NDFIP1: variants seen among roughly 807,000 people sequenced by gnomAD.
The protein encoded by NDFIP1 is Nedd4 family interacting protein 1, also known as NEDD4 family-interacting protein 1.
Under a neutral mutation model 28.8 loss-of-function variants are expected in NDFIP1, and 7 were observed. The observed-to-expected ratio is 0.24, with a 90% CI of 0.14 to 0.46. The LOEUF (loss-of-function observed/expected upper bound fraction) is 0.46. NDFIP1 is among the 20% of genes least tolerant of loss of function. NDFIP1 has a pLI of 0.99. For synonymous variants in NDFIP1, 92 were observed against 101.0 expected, an observed-to-expected ratio of 0.91 and a Z score of 0.53; for missense variants, 194 against 269.1, an observed-to-expected ratio of 0.72 and a Z score of 1.95.
At chr5:142,137,638 C>T (rs1291227124) in intron 4 of NDFIP1, 96 bp from the exon 5 acceptor site, 21 of 1,422,474 alleles carry the variant, frequency 1.5e-5, no homozygotes, top group Non-Finnish European at 1.9e-5. Context: ...GTCTTTTATC[C>T]TTTGGAAAGT....
chr5:142,109,462 G>T (rs6580223), intron 1 of NDFIP1, among the ~76,000 whole-genome samples: 102,023 of 152,112 alleles, frequency 0.67, 34,519 homozygotes, highest in African/African-American at 0.76. Context: ...TGCTGCTGCC[G>T]ATAGCTCCCC....
At chr5:142,130,206 C>A (rs1319338451) in intron 1 of NDFIP1, among the ~76,000 whole-genome samples, 1 of 152,102 alleles carries the variant, frequency 6.6e-6, no homozygotes, top group East Asian at 1.9e-4. Context: ...TAATATAGTT[C>A]ATTGTCACAC....
At position 142,152,041 on chromosome 5, in the gene NDFIP1, C is replaced by G. The variant is rs1219193330; in HGVS notation, c.*313C>G. On this transcript the variant is annotated 3_prime_UTR_variant, in exon 8 of 8. Transcript: ENST00000253814. ...TCATTTTAAGTAGCATGAGCCATGTCCCTGTAGTCGGTAGGGGGCAGTCTT... is the reference window on the plus strand; with the variant it reads ...TCATTTTAAGTAGCATGAGCCATGTGCCTGTAGTCGGTAGGGGGCAGTCTT... The G allele has an allele frequency of 6.5e-6, 1 of 152,686 alleles. No individual in the cohort carries two copies. Among genetic ancestry groups the G allele is most frequent in the Non-Finnish European group, 1.5e-5 (1 of 68,030 alleles). 9.5% of individuals were successfully genotyped at this position (152,686 alleles called of 1,614,324 possible).
At chr5:142,123,262 C>T (rs1051767605) in intron 1 of NDFIP1, among the ~76,000 whole-genome samples, 4 of 152,036 alleles carry the variant, frequency 2.6e-5, no homozygotes, top group African/African-American at 4.8e-5. Flanking sequence ...TGTGCCTGGC[C>T]CAAACAAGTG....
chr5:142,109,354 G>T (rs988681694), intron 1 of NDFIP1, among the ~76,000 whole-genome samples: 1 of 152,186 alleles, frequency 6.6e-6, no homozygotes, highest in African/African-American at 2.4e-5. Flanking sequence ...TGAGGCATTC[G>T]TTTTTCATTT....
At chr5:142,131,733 A>T in intron 1 of NDFIP1, 75 bp from the exon 2 acceptor site, 1 of 1,158,476 alleles carries the variant, frequency 8.6e-7, no homozygotes, top group Non-Finnish European at 1.2e-6. Flanking sequence ...GAGAAAGGCT[A>T]TTTATTTCAG....
Position 142,152,277 on chromosome 5 carries a change from A to C in NDFIP1, c.*549A>C, listed in dbSNP as rs1177348258. On this transcript the variant is annotated 3_prime_UTR_variant, in exon 8 of 8. Transcript: ENST00000253814. ...AAGCAAAATCATAGTGCAAAAATACATTTAAGGTGTGGTCAAAAATAAGTC... is the reference window on the plus strand; with the variant it reads ...AAGCAAAATCATAGTGCAAAAATACCTTTAAGGTGTGGTCAAAAATAAGTC... The C allele has an allele frequency of 1.3e-5, 2 of 152,734 alleles. No homozygotes were observed. Among genetic ancestry groups the C allele is most frequent in the African/African-American group, 2.4e-5 (1 of 41,460 alleles). 9.5% of individuals were successfully genotyped at this position (152,734 alleles called of 1,614,324 possible).
intron 1 of NDFIP1, among the ~76,000 whole-genome samples, chr5:142,121,458 T>C (rs1757121552): frequency 6.6e-6 from 1 of 152,222 alleles, no homozygotes; most frequent in African/African-American, 2.4e-5. Context: ...TTGTGCAAAA[T>C]AACAATAATA....
In NDFIP1 at chr5:142,153,131, T is replaced by C. The variant is rs988412212; in HGVS notation, c.*1403T>C. 2 of 363,332 alleles carry C rather than the reference T, an allele frequency of 5.5e-6. No homozygotes were observed. Among genetic ancestry groups the C allele is most frequent in the Non-Finnish European group, 1.1e-5 (2 of 184,758 alleles). 22.5% of individuals were successfully genotyped at this position (363,332 alleles called of 1,614,324 possible). On this transcript the variant is annotated 3_prime_UTR_variant, in exon 8 of 8. Coordinates refer to ENST00000253814, the MANE Select transcript of NDFIP1 (RefSeq NM_030571.4). ...TCATTTGTTCTTTTTCTCAGTTGAA[T>C]GCACCAACTGGTTTGAGTCCTGTGA...
At position 142,108,974 on chromosome 5, in the gene NDFIP1, C is replaced by G; in HGVS notation, c.-1C>G. On this transcript the variant is annotated 5_prime_UTR_variant, in exon 1 of 8. Coordinates refer to ENST00000253814, the MANE Select transcript of NDFIP1 (RefSeq NM_030571.4). ...TCTGCTTCCCTGCTGCCGGCTGCGC[C>G]ATGGCGTTGGCGTTGGCGGCGCTGG... 1 of 1,445,962 alleles carries G rather than the reference C, an allele frequency of 6.9e-7. No homozygotes were observed. Among genetic ancestry groups the G allele is most frequent in the Non-Finnish European group, 9.1e-7 (1 of 1,102,800 alleles). 89.6% of individuals were successfully genotyped at this position (1,445,962 alleles called of 1,614,324 possible).
intron 1 of NDFIP1, among the ~76,000 whole-genome samples, chr5:142,112,234 A>C (rs1349326044): frequency 2.0e-5 from 3 of 150,428 alleles, no homozygotes; most frequent in Non-Finnish European, 3.0e-5. Context: ...AAAATACAAA[A>C]ATTAGCTGGG....
At chr5:142,136,266 G>A (rs1757273685) in intron 4 of NDFIP1, among the ~76,000 whole-genome samples, 1 of 152,154 alleles carries the variant, frequency 6.6e-6, no homozygotes, top group Non-Finnish European at 1.5e-5. Flanking sequence ...ATAGAAGTGA[G>A]CAACCATTTC....
At position 142,140,568 on chromosome 5, in the gene NDFIP1, C is replaced by T. The variant is rs1325766395; in HGVS notation, c.501C>T (p.Ser167=). The change falls in exon 6 of 8, where the codon TCC becomes TCT. Residue 167 remains serine (S), a synonymous_variant. Coordinates refer to ENST00000253814, the MANE Select transcript of NDFIP1 (RefSeq NM_030571.4). ...LIKWILIVRF[S]TYFPGYFDGQ... ...TGTTTTGCCTTATTTTTTAGTTTTC[C>T]ACCTATTTCCCTGGATATTTTGATG... 1.2e-6 allele frequency: 2 copies of T among 1,607,864 alleles called. No homozygotes were observed. Among genetic ancestry groups the T allele is most frequent in the Admixed American group, 1.7e-5 (1 of 59,234 alleles).
chr5:142,133,218 G>A (rs1757243384), intron 3 of NDFIP1, among the ~76,000 whole-genome samples: 1 of 152,176 alleles, frequency 6.6e-6, no homozygotes, highest in African/African-American at 2.4e-5. Context: ...AATAGTTTAT[G>A]AGCCCAATCT....
chr5:142,135,515 A>G (rs1248332603), intron 3 of NDFIP1, among the ~76,000 whole-genome samples: 1 of 152,198 alleles, frequency 6.6e-6, no homozygotes, highest in Non-Finnish European at 1.5e-5. Flanking sequence ...TGAAAATTTC[A>G]TTTAGAACAC....
At chr5:142,150,645 G>T (rs1757437227) in intron 7 of NDFIP1, among the ~76,000 whole-genome samples, 1 of 151,134 alleles carries the variant, frequency 6.6e-6, no homozygotes, top group African/African-American at 2.4e-5. Flanking sequence ...AGGTTGGCTT[G>T]AGCCCTGGAG....
intron 6 of NDFIP1, among the ~76,000 whole-genome samples, chr5:142,141,494 C>G (rs1037431481): frequency 2.0e-5 from 3 of 151,820 alleles, no homozygotes; most frequent in African/African-American, 7.3e-5. Flanking sequence ...ATTTTTTACT[C>G]TAAATATTTA....
At chr5:142,116,943 T>G (rs573464828) in intron 1 of NDFIP1, among the ~76,000 whole-genome samples, 1 of 152,264 alleles carries the variant, frequency 6.6e-6, no homozygotes, top group East Asian at 1.9e-4. Flanking sequence ...ACTCCTGGCC[T>G]TAAGTGATCT....
intron 1 of NDFIP1, among the ~76,000 whole-genome samples, chr5:142,117,994 C>T (rs1381816715): frequency 6.6e-6 from 1 of 152,074 alleles, no homozygotes; most frequent in African/African-American, 2.4e-5. Flanking sequence ...ACTGACCTCC[C>T]AAGTAGCTGG....
Sources: allele counts gnomAD v4.1 joint callset (sites outside exome capture counted in the v4.1 genomes callset), GRCh38; gene constraint gnomAD v4.1.1; transcripts MANE v1.5; gene names NCBI Gene and HGNC (gene_info 2026-07-23, HGNC 2026-07-21).